The following METTL15 variants were observed in gnomAD, a reference collection of about 807,000 sequenced individuals.
METTL15 encodes the protein methyltransferase 15, mitochondrial 12S rRNA N4-cytidine, also known as 12S rRNA N(4)-cytidine methyltransferase METTL15.
A neutral mutation model predicts 38.3 loss-of-function variants in METTL15; 34 were observed. That is an observed-to-expected ratio of 0.89 (90% CI 0.68 to 1.18). METTL15 has a LOEUF of 1.18. Ranked by LOEUF, METTL15 falls within the 50% of genes most tolerant of loss-of-function variation. METTL15 has a pLI of 0.00. For missense variants in METTL15, 438 were observed against 498.4 expected (o/e 0.88, Z 1.15); for synonymous variants, 162 against 170.9 (o/e 0.95, Z 0.41).
chr11:28,349,088 C>T (rs560824642), intron 3 of METTL15, among the ~76,000 whole-genome samples: 17 of 152,326 alleles, frequency 1.1e-4, no homozygotes, highest in Non-Finnish European at 2.5e-4. Context: ...TTATATTTAT[C>T]TCTATATACA....
At chr11:28,367,660 A>G (rs1367473462) in intron 5 of METTL15, among the ~76,000 whole-genome samples, 4 of 152,178 alleles carry the variant, frequency 2.6e-5, no homozygotes, top group African/African-American at 4.8e-5. Flanking sequence ...GGGCAAGAAG[A>G]ACAAAGTTGG....
intron 6 of METTL15, among the ~76,000 whole-genome samples, chr11:28,315,134 C>T (rs1857434850): frequency 6.6e-6 from 1 of 152,082 alleles, no homozygotes; most frequent in African/African-American, 2.4e-5. Flanking sequence ...GGTAAACAGG[C>T]AGAGGTTGGA....
chr11:28,328,259 T>A, intron 6 of METTL15: 1 of 1,217,892 alleles, frequency 8.2e-7, no homozygotes, highest in Non-Finnish European at 1.1e-6. Flanking sequence ...TGTCTAACAT[T>A]CTCCAGACTT....
chr11:28,394,519 G>A (rs1413672588), intron 5 of METTL15, among the ~76,000 whole-genome samples: 2 of 152,052 alleles, frequency 1.3e-5, no homozygotes, highest in South Asian at 2.1e-4. Context: ...TGTGGTCTTG[G>A]AGGTGGCAGA....
At chr11:28,390,737 T>G (rs1850496736) in intron 5 of METTL15, among the ~76,000 whole-genome samples, 1 of 151,898 alleles carries the variant, frequency 6.6e-6, no homozygotes, top group Admixed American at 6.6e-5. Flanking sequence ...CATATGCACT[T>G]TAAAGTAGTT....
intron 4 of METTL15, among the ~76,000 whole-genome samples, chr11:28,245,982 A>G (rs952353287): frequency 1.3e-5 from 2 of 152,190 alleles, no homozygotes; most frequent in Admixed American, 6.6e-5. Context: ...GGGTGGGGAC[A>G]TAGAGCCAAA....
At position 28,480,332 on chromosome 11, in the gene METTL15, A is replaced by G. The variant is rs571435768; in HGVS notation, c.*425-46146A>G. Reference sequence around the variant, plus strand: ...CAACGTTACTGAATGCAAAATTGGAAAGGGATGTGCCTTAGTGTACCATTA... The same window carrying G: ...CAACGTTACTGAATGCAAAATTGGAGAGGGATGTGCCTTAGTGTACCATTA... On this transcript the variant is annotated intron_variant and NMD_transcript_variant, in intron 6 of 7. Coordinates refer to the METTL15 transcript ENST00000532947. Among the ~76,000 whole-genome samples the G allele has an allele frequency of 1.8e-4, 28 of 152,316 alleles. No individual in the cohort carries two copies. In the South Asian group the frequency reaches 5.6e-3, roughly 30 times the overall value.
intron 2 of METTL15, 94 bp from the exon 3 acceptor site, chr11:28,113,224 T>A: frequency 1.2e-6 from 1 of 804,462 alleles, no homozygotes; most frequent in Non-Finnish European, 1.9e-6. Flanking sequence ...TTTTTTTTGA[T>A]GTGCTAAATA....
At chr11:28,191,977 T>C (rs565833280) in intron 3 of METTL15, among the ~76,000 whole-genome samples, 8 of 151,772 alleles carry the variant, frequency 5.3e-5, no homozygotes, top group African/African-American at 1.9e-4. Flanking sequence ...TCAGTGTTTA[T>C]ATATTTAAAG....
chr11:28,388,924 A>G (rs532911917), intron 5 of METTL15, among the ~76,000 whole-genome samples: 1 of 152,064 alleles, frequency 6.6e-6, no homozygotes, highest in East Asian at 1.9e-4. Context: ...GAGTGAGAAC[A>G]TGCAGTGTTC....
At chr11:28,340,373 T>A (rs1049796791) in intron 3 of METTL15, among the ~76,000 whole-genome samples, 3 of 152,116 alleles carry the variant, frequency 2.0e-5, no homozygotes, top group Admixed American at 2.0e-4. Flanking sequence ...GAAACTATCA[T>A]CAGAGTGAAC....
At chr11:28,493,154 A>C (rs1275585012) in intron 6 of METTL15, among the ~76,000 whole-genome samples, 2 of 152,130 alleles carry the variant, frequency 1.3e-5, no homozygotes, top group Non-Finnish European at 2.9e-5. Flanking sequence ...TCCAGATCTG[A>C]CAAATCATGC....
intron 3 of METTL15, among the ~76,000 whole-genome samples, chr11:28,347,560 G>C (rs1850006369): frequency 6.6e-6 from 1 of 152,090 alleles, no homozygotes; most frequent in Admixed American, 6.6e-5. Flanking sequence ...ACCCATCAAC[G>C]CTAATGTCTT....
intron 6 of METTL15, among the ~76,000 whole-genome samples, chr11:28,512,290 G>A (rs576366842): frequency 6.6e-6 from 1 of 152,360 alleles, no homozygotes; most frequent in Admixed American, 6.5e-5. Context: ...TCCCGCACCG[G>A]GGCAGCAGGT....
At chr11:28,500,296 C>G (rs957518015) in intron 6 of METTL15, among the ~76,000 whole-genome samples, 1 of 152,184 alleles carries the variant, frequency 6.6e-6, no homozygotes, top group Non-Finnish European at 1.5e-5. Context: ...AATCCAACCA[C>G]TTCATTTTAA....
chr11:28,383,140 C>T (rs1157668763), intron 5 of METTL15, among the ~76,000 whole-genome samples: 1 of 152,034 alleles, frequency 6.6e-6, no homozygotes, highest in Non-Finnish European at 1.5e-5. Flanking sequence ...CAGGTAGGCC[C>T]CAGTATCTAT....
chr11:28,287,981 C>T (rs1006973524), intron 4 of METTL15, among the ~76,000 whole-genome samples: 1 of 152,042 alleles, frequency 6.6e-6, no homozygotes, highest in Non-Finnish European at 1.5e-5. Flanking sequence ...ATGTCTTCTT[C>T]CCTTCGGCTG....
At chr11:28,431,182 T>G (rs7950438) in intron 6 of METTL15, among the ~76,000 whole-genome samples, 2,271 of 52,982 alleles carry the variant, frequency 0.043, 36 homozygotes, top group Non-Finnish European at 0.061. Flanking sequence ...TGCCCGGCCA[T>G]CCGCCCCGTC....
chr11:28,225,377 TGCAG>T (rs1853433839), intron 4 of METTL15, among the ~76,000 whole-genome samples: 1 of 151,918 alleles, frequency 6.6e-6, no homozygotes. Context: ...AAGATAAATA[TGCAG>T]AAAGGATACA....
Sources: allele counts gnomAD v4.1 joint callset (sites outside exome capture counted in the v4.1 genomes callset), GRCh38; gene constraint gnomAD v4.1.1; transcripts MANE v1.5; gene names NCBI Gene and HGNC (gene_info 2026-07-23, HGNC 2026-07-21).